STIM1: variants seen among roughly 807,000 people sequenced by gnomAD.
STIM1 encodes the protein stromal interaction molecule 1.
STIM1 carries 25 observed loss-of-function variants against 74.7 expected under a neutral mutation model. The observed-to-expected ratio is 0.33, with a 90% CI of 0.24 to 0.47. The LOEUF is 0.47. Ranked by LOEUF, STIM1 falls within the 20% of genes least tolerant of loss-of-function variation. STIM1 has a pLI of 1.00. For missense variants in STIM1, 728 were observed against 920.8 expected, an observed-to-expected ratio of 0.79 and a Z score of 2.71; for synonymous variants, 328 against 348.8, an observed-to-expected ratio of 0.94 and a Z score of 0.66.
chr11:4,058,530 GT>G (rs2133100594), intron 4 of STIM1, among the ~76,000 whole-genome samples: 1 of 152,284 alleles, frequency 6.6e-6, no homozygotes, highest in East Asian at 1.9e-4. Context: ...TAGACCAGTG[GT>G]TTTCAACCTT....
At chr11:3,969,389 G>T (rs1393126264) in intron 2 of STIM1, among the ~76,000 whole-genome samples, 1 of 152,108 alleles carries the variant, frequency 6.6e-6, no homozygotes, top group African/African-American at 2.4e-5. Flanking sequence ...GGCTGAGGCT[G>T]GAGGATCACT....
chr11:4,082,164 A>C lies in STIM1; in HGVS notation c.970-20A>C. ...AGTCTTAGTAGCAGTAAATGAACTCACATCCTTTTGGCTGCCTAGGTTCGG... is the reference window on the plus strand; with the variant it reads ...AGTCTTAGTAGCAGTAAATGAACTCCCATCCTTTTGGCTGCCTAGGTTCGG... On this transcript the variant is annotated intron_variant, in intron 7 of 12. Coordinates refer to ENST00000526596, the MANE Select transcript of STIM1 (RefSeq NM_001382567.1). The C allele has an allele frequency of 6.2e-7, 1 of 1,613,938 alleles. No individual in the cohort carries two copies. Among genetic ancestry groups the C allele is most frequent in the Non-Finnish European group, 8.5e-7 (1 of 1,179,952 alleles).
chr11:4,061,989 G>A (rs1213467041), intron 5 of STIM1, among the ~76,000 whole-genome samples: 2 of 152,108 alleles, frequency 1.3e-5, no homozygotes, highest in African/African-American at 4.8e-5. Flanking sequence ...TGGGAGGAGG[G>A]AATGGGGAGA....
chr11:3,867,857 C>A (rs542455350), intron 1 of STIM1, among the ~76,000 whole-genome samples: 20 of 144,962 alleles, frequency 1.4e-4, no homozygotes, highest in Admixed American at 9.7e-4. Flanking sequence ...GGCAGGCAGG[C>A]AGGCAGGCAG....
chr11:4,091,703 G>A lies in STIM1; in HGVS notation c.2056G>A (p.Glu686Lys). 1 of 1,614,158 alleles carries A rather than the reference G, an allele frequency of 6.2e-7. No individual in the cohort carries two copies. Among genetic ancestry groups the A allele is most frequent in the Non-Finnish European group, 8.5e-7 (1 of 1,180,042 alleles). ...PHLAGKKAVA[E>K]EDNGSIGEET... ...CCTGGCTGGCAAGAAGGCTGTGGCT[G>A]AGGAGGATAATGGCTCTATTGGCGA... The change falls in exon 13 of 13, where the codon GAG becomes AAG. Residue 686 changes from glutamate to lysine, a missense_variant. Coordinates refer to ENST00000526596, the MANE Select transcript of STIM1 (RefSeq NM_001382567.1).
At chr11:4,012,350 C>T (rs972656730) in intron 2 of STIM1, among the ~76,000 whole-genome samples, 1 of 152,218 alleles carries the variant, frequency 6.6e-6, no homozygotes, top group Non-Finnish European at 1.5e-5. Flanking sequence ...TTCTTCCTAT[C>T]CATGAGCATG....
At chr11:3,988,314 G>T (rs542610372) in intron 2 of STIM1, among the ~76,000 whole-genome samples, 1 of 152,072 alleles carries the variant, frequency 6.6e-6, no homozygotes, top group Non-Finnish European at 1.5e-5. Flanking sequence ...TGTTTTTTTC[G>T]TGTAGCCTGC....
In STIM1 at chr11:4,086,963, G is replaced by C. The variant is rs749264862; in HGVS notation, c.1634+420G>C. The C allele has an allele frequency of 8.5e-6, 12 of 1,410,740 alleles. 1 individual carries two copies. Among genetic ancestry groups the C allele is most frequent in the Non-Finnish European group, 1.1e-5 (12 of 1,069,958 alleles). 87.4% of individuals were successfully genotyped at this position (1,410,740 alleles called of 1,614,324 possible). A position where few individuals can be genotyped will look rare whatever the true frequency, so the allele number is the denominator to read the frequency against. ...GCTGCTTGATCAACTCTGGGGGTGT[G>C]TGCAGTGGGGAATCTTCTTATCCTG... On this transcript the variant is annotated intron_variant, in intron 12 of 12. Coordinates refer to ENST00000526596, the MANE Select transcript of STIM1 (RefSeq NM_001382567.1).
chr11:4,086,416 C>T (rs1346142551), intron 11 of STIM1, 61 bp from the exon 12 acceptor site: 6 of 1,593,022 alleles, frequency 3.8e-6, no homozygotes, highest in Non-Finnish European at 4.3e-6. Context: ...ATGGGCACCT[C>T]CTTACCTGCC....
intron 1 of STIM1, among the ~76,000 whole-genome samples, chr11:3,864,568 G>A (rs189943887): frequency 4.1e-4 from 63 of 152,310 alleles, no homozygotes; most frequent in East Asian, 7.7e-4. Context: ...CCAAGAGAGC[G>A]CAAGAGAGAG....
chr11:3,994,867 T>C (rs2093649433), intron 2 of STIM1, among the ~76,000 whole-genome samples: 1 of 152,204 alleles, frequency 6.6e-6, no homozygotes, highest in East Asian at 1.9e-4. Context: ...TTGTATAATC[T>C]CTATCAGTCT....
chr11:3,996,984 C>T (rs2093668713), intron 2 of STIM1, among the ~76,000 whole-genome samples: 2 of 152,142 alleles, frequency 1.3e-5, no homozygotes, highest in Non-Finnish European at 2.9e-5. Flanking sequence ...TATTTCTGTC[C>T]TCCTTTCATA....
chr11:3,855,363 A>T (rs1335497296), upstream of STIM1: 2 of 151,450 alleles, frequency 1.3e-5, no homozygotes, highest in African/African-American at 4.9e-5. Context: ...TTACCTGAGT[A>T]ACTGCGGGTC....
chr11:3,911,308 A>G (rs2092558656), intron 1 of STIM1, among the ~76,000 whole-genome samples: 1 of 152,178 alleles, frequency 6.6e-6, no homozygotes, highest in Non-Finnish European at 1.5e-5. Context: ...TGTTCCTGGC[A>G]TTCTATGATC....
Position 3,895,632 on chromosome 11 carries a change from T to C in STIM1, c.139+39223T>C, listed in dbSNP as rs1371760989. Among the ~76,000 whole-genome samples the C allele has an allele frequency of 4.7e-3, 30 of 6,358 alleles. 1 individual carries two copies. Among genetic ancestry groups the C allele is most frequent in the African/African-American group, 7.9e-3 (27 of 3,404 alleles). 4.2% of individuals were successfully genotyped at this position (6,358 alleles called of 152,430 possible). On this transcript the variant is annotated intron_variant, in intron 1 of 12. Transcript: ENST00000526596. Reference sequence around the variant, plus strand: ...TCTCTTTCTTTCTTTCTTTCTTTCTTTCTTTCTTTCTTTCTTTCTTTCTTT... The same window carrying C: ...TCTCTTTCTTTCTTTCTTTCTTTCTCTCTTTCTTTCTTTCTTTCTTTCTTT...
intron 1 of STIM1, among the ~76,000 whole-genome samples, chr11:3,869,733 A>G (rs1212040799): frequency 6.6e-6 from 1 of 152,184 alleles, no homozygotes; most frequent in African/African-American, 2.4e-5. Flanking sequence ...GAGAGACCTG[A>G]CCTGAGTTTT....
chr11:3,903,604 A>C (rs1253493037), intron 1 of STIM1: 1 of 152,198 alleles, frequency 6.6e-6, no homozygotes, highest in Non-Finnish European at 1.5e-5. Flanking sequence ...GGGCCCCAGG[A>C]ACCAGGTAGG....
intron 1 of STIM1, among the ~76,000 whole-genome samples, chr11:3,896,321 TGTG>T: frequency 6.6e-6 from 1 of 152,178 alleles, no homozygotes; most frequent in East Asian, 1.9e-4. Context: ...TCTCACATTT[TGTG>T]GTAATTTATT....
chr11:3,950,189 A>G lies in STIM1; in HGVS notation c.140-17363A>G, dbSNP rs186990766. Among the ~76,000 whole-genome samples the G allele has an allele frequency of 1.7e-4, 24 of 142,410 alleles. No individual in the cohort carries two copies. In the East Asian group the frequency reaches 5.0e-3, roughly 30 times the overall value. 93.4% of individuals were successfully genotyped at this position (142,410 alleles called of 152,430 possible). The stretch of plus-strand genomic sequence containing the variant: ...TGCTCTGTTGCCCAGGCTGGAGTGG[A>G]GTGGTGCGATCTGGGCTCACTGCAA... On this transcript the variant is annotated intron_variant, in intron 1 of 12. Transcript: ENST00000526596.
Sources: allele counts gnomAD v4.1 joint callset (sites outside exome capture counted in the v4.1 genomes callset), GRCh38; gene constraint gnomAD v4.1.1; transcripts MANE v1.5; gene names NCBI Gene and HGNC (gene_info 2026-07-23, HGNC 2026-07-21).